The following UNC13B variants were observed in gnomAD, a reference collection of about 807,000 sequenced individuals.
UNC13B encodes protein unc-13 homolog B.
A neutral mutation model predicts 211.0 loss-of-function variants in UNC13B; 144 were observed. The ratio of observed to expected loss-of-function variants is 0.68; its 90% CI spans 0.60 to 0.78. UNC13B has a LOEUF of 0.78. Ranked by LOEUF, UNC13B falls within the 30% of genes least tolerant of loss-of-function variation. The pLI is 0.00. For missense variants in UNC13B, 1,777 were observed against 2,002.0 expected, an observed-to-expected ratio of 0.89 and a Z score of 2.14; for synonymous variants, 709 against 725.8, an observed-to-expected ratio of 0.98 and a Z score of 0.37.
chr9:35,266,338 A>G (rs1336865921), intron 7 of UNC13B, among the ~76,000 whole-genome samples: 2 of 152,158 alleles, frequency 1.3e-5, no homozygotes, highest in Non-Finnish European at 2.9e-5. Context: ...GCGGCCATTT[A>G]TAAGATGTTT....
chr9:35,303,421 T>A lies in UNC13B; in HGVS notation c.4017T>A (p.Asn1339Lys), dbSNP rs1829780352. Residue 1339 changes from asparagine to lysine, a missense_variant, in exon 9 of 40, where the codon AAT becomes AAA. Asn to Lys is a moderately conservative substitution (Grantham distance 94). Transcript: ENST00000635942. ...CTGTACTAAATACCAACATTCTCAA[T>A]AAATCAAACAACTATCAGGCTTTTG... The part of the protein sequence containing the change: ...NSPVLNTNIL[N>K]KSNNYQAFEE... 1.8e-5 allele frequency: 7 copies of A among 398,632 alleles called. No individual in the cohort carries two copies. The highest frequency in any genetic ancestry group is 3.1e-5 in the Non-Finnish European group (7 of 225,822). The allele number at this position is 398,632 out of a possible 1,614,324, so 24.7% of individuals were successfully genotyped here.
At chr9:35,395,726 G>C (rs988566759) in intron 26 of UNC13B, among the ~76,000 whole-genome samples, 2 of 152,156 alleles carry the variant, frequency 1.3e-5, no homozygotes, top group Non-Finnish European at 2.9e-5. Flanking sequence ...AGTTATCTTT[G>C]TCTTAGATTT....
At chr9:35,379,085 T>A (rs1834646387) in intron 17 of UNC13B, among the ~76,000 whole-genome samples, 2 of 152,106 alleles carry the variant, frequency 1.3e-5, no homozygotes, top group South Asian at 4.1e-4. Context: ...GGGTCAGGAT[T>A]TTGGATTTGA....
intron 11 of UNC13B, among the ~76,000 whole-genome samples, chr9:35,324,411 TA>T (rs767716066): frequency 1.3e-5 from 2 of 152,242 alleles, no homozygotes; most frequent in Non-Finnish European, 2.9e-5. Flanking sequence ...AAGAAGGGAA[TA>T]TAATATGCAC....
intron 11 of UNC13B, among the ~76,000 whole-genome samples, chr9:35,345,119 C>T (rs1434504515): frequency 6.6e-6 from 1 of 152,082 alleles, no homozygotes; most frequent in Non-Finnish European, 1.5e-5. Context: ...AGTAGATTCT[C>T]CTGCACTCGT....
In UNC13B at chr9:35,303,795, C is replaced by T; in HGVS notation, c.4391C>T (p.Ala1464Val). The change falls in exon 9 of 40, where the codon GCT (alanine) becomes GTT (valine). Residue 1464 changes from alanine (A) to valine (V), a missense_variant. Transcript: ENST00000635942. ...TCTGGTCCTCTTCCAATTAATGAGG[C>T]TAATAATTCACTAGAAGAATTACCC... ...GNSGPLPINE[A>V]NNSLEELPID... 2.5e-6 allele frequency: 1 copy of T among 398,734 alleles called. No homozygotes were observed. Among genetic ancestry groups the T allele is most frequent in the Non-Finnish European group, 4.4e-6 (1 of 225,840 alleles). The allele number at this position is 398,734 out of a possible 1,614,324, so 24.7% of individuals were successfully genotyped here. A position where few individuals can be genotyped will look rare whatever the true frequency, so the allele number is the denominator to read the frequency against.
chr9:35,305,673 C>T lies in UNC13B; in HGVS notation c.6269C>T (p.Ser2090Leu), dbSNP rs141534122. Residue 2090 changes from serine (S) to leucine (L), a missense_variant, in exon 9 of 40, where the codon TCA becomes TTA. Coordinates refer to ENST00000635942, the MANE Select transcript of UNC13B (RefSeq NM_001371189.2). ...CAGCAGTCACCTAATTCATCTTTTT[C>T]AACAAGTAGTCTCAAAGAGTCTTCC... ...LIQQSPNSSF[S>L]TSSLKESSRE... 2 of 398,984 alleles carry T rather than the reference C, an allele frequency of 5.0e-6. No individual in the cohort carries two copies. Among genetic ancestry groups the T allele is most frequent in the African/African-American group, 4.1e-5 (2 of 48,746 alleles). The allele number at this position is 398,984 out of a possible 1,614,324, so 24.7% of individuals were successfully genotyped here.
At chr9:35,199,618 TCTG>T (rs1823160156) in intron 1 of UNC13B, among the ~76,000 whole-genome samples, 1 of 152,238 alleles carries the variant, frequency 6.6e-6, no homozygotes, top group African/African-American at 2.4e-5. Context: ...TTTTCATGTG[TCTG>T]TTGGCTGCAT....
chr9:35,342,601 GC>G (rs1407949252), intron 11 of UNC13B, among the ~76,000 whole-genome samples: 1 of 152,080 alleles, frequency 6.6e-6, no homozygotes, highest in East Asian at 1.9e-4. Flanking sequence ...AGATAACCCA[GC>G]CACCCTCTGG....
At position 35,228,105 on chromosome 9, in the gene UNC13B, TA is replaced by T. The variant is rs1335233337; in HGVS notation, c.52+68del. ...TATTTGCTGTTATTTCAAAGCAATT[TA>T]AAAAAATTATTAATTCATTGATCAA... On this transcript the variant is annotated intron_variant, in intron 2 of 39. Coordinates refer to ENST00000635942, the MANE Select transcript of UNC13B (RefSeq NM_001371189.2). The T allele has an allele frequency of 6.4e-6, 9 of 1,410,878 alleles. No homozygotes were observed. In the African/African-American group the frequency reaches 7.3e-5, roughly 11 times the overall value. 87.4% of individuals were successfully genotyped at this position (1,410,878 alleles called of 1,614,324 possible).
chr9:35,399,391 G>A lies in UNC13B; in HGVS notation c.12199-1G>A. 6.2e-7 allele frequency: 1 copy of A among 1,614,072 alleles called. No homozygotes were observed. The highest frequency in any genetic ancestry group is 8.5e-7 in the Non-Finnish European group (1 of 1,180,018). On this transcript the variant is annotated splice_acceptor_variant, in intron 34 of 39. Transcript: ENST00000635942. LOFTEE classifies it high-confidence loss of function. The stretch of plus-strand genomic sequence containing the variant: ...TTTTGACTGATTCCCTCTCTGCCCA[G>A]GGCACCCAGCTGATCTTCACTGCTG...
chr9:35,308,460 T>A (rs1302200609), intron 9 of UNC13B, 48 bp downstream of exon 9: 1 of 398,352 alleles, frequency 2.5e-6, no homozygotes, highest in Admixed American at 4.4e-5. Flanking sequence ...GAATTGACCA[T>A]TTATGATGCA....
intron 7 of UNC13B, among the ~76,000 whole-genome samples, chr9:35,289,768 G>A (rs1201739869): frequency 6.6e-6 from 1 of 152,134 alleles, no homozygotes; most frequent in East Asian, 1.9e-4. Flanking sequence ...CTGGAGGTTA[G>A]GAGTTCGAGG....
chr9:35,183,090 G>GAA (rs61642427), intron 1 of UNC13B, among the ~76,000 whole-genome samples: 2 of 99,674 alleles, frequency 2.0e-5, no homozygotes, highest in South Asian at 3.1e-4. Context: ...CCTCCCAGAC[G>GAA]GGGCGGCCTG....
chr9:35,225,372 C>A (rs1162595601), intron 1 of UNC13B, among the ~76,000 whole-genome samples: 3 of 152,166 alleles, frequency 2.0e-5, no homozygotes, highest in Non-Finnish European at 2.9e-5. Context: ...GTTGGCCAAG[C>A]TGGTCTCGAA....
intron 11 of UNC13B, chr9:35,351,456 A>G (rs1275329396): frequency 8.1e-7 from 1 of 1,231,404 alleles, no homozygotes; most frequent in African/African-American, 1.6e-5. Flanking sequence ...CTTCCAAGGT[A>G]ATCTCTATTA....
At chr9:35,260,929 C>T (rs573241145) in intron 7 of UNC13B, among the ~76,000 whole-genome samples, 4 of 152,088 alleles carry the variant, frequency 2.6e-5, no homozygotes, top group Non-Finnish European at 2.9e-5. Context: ...GCGATTAAAG[C>T]GCAAATGCCA....
intron 11 of UNC13B, among the ~76,000 whole-genome samples, chr9:35,339,024 C>G (rs1831828476): frequency 6.6e-6 from 1 of 152,172 alleles, no homozygotes; most frequent in African/African-American, 2.4e-5. Context: ...TTCGGCTCCC[C>G]TTTAGAACTC....
At chr9:35,252,551 C>T (rs1826562162) in intron 6 of UNC13B, among the ~76,000 whole-genome samples, 1 of 151,924 alleles carries the variant, frequency 6.6e-6, no homozygotes, top group African/African-American at 2.4e-5. Flanking sequence ...AAGTGATCTG[C>T]CCACCTCGGC....
Sources: allele counts gnomAD v4.1 joint callset (sites outside exome capture counted in the v4.1 genomes callset), GRCh38; gene constraint gnomAD v4.1.1; transcripts MANE v1.5; gene names NCBI Gene and HGNC (gene_info 2026-07-23, HGNC 2026-07-21).